The following PTPRD variants were observed in gnomAD, a reference collection of about 807,000 sequenced individuals.
PTPRD encodes the protein receptor-type tyrosine-protein phosphatase delta.
In PTPRD, 34 loss-of-function variants were observed where a neutral mutation model predicts 214.5. The ratio of observed to expected loss-of-function variants is 0.16; its 90% confidence interval spans 0.12 to 0.21. The LOEUF (loss-of-function observed/expected upper bound fraction) is 0.21. Among genes scored for constraint, PTPRD ranks in the 10% least tolerant of loss-of-function variants. PTPRD has a pLI of 1.00. For missense variants in PTPRD, 2,545 were observed against 2,398.7 expected (o/e 1.06, Z -1.27); for synonymous variants, 1,128 against 845.7 (o/e 1.33, Z -5.79).
At chr9:10,585,478 G>C (rs2132604433) in intron 2 of PTPRD, among the ~76,000 whole-genome samples, 1 of 151,996 alleles carries the variant, frequency 6.6e-6, no homozygotes, top group Non-Finnish European at 1.5e-5. Context: ...CGTTTCTCCA[G>C]AAAGCTTTTA....
intron 9 of PTPRD, among the ~76,000 whole-genome samples, chr9:9,201,118 A>G (rs2099941591): frequency 6.6e-6 from 1 of 152,198 alleles, no homozygotes; most frequent in Non-Finnish European, 1.5e-5. Context: ...TTGACTACAA[A>G]CACTGACATC....
intron 11 of PTPRD, among the ~76,000 whole-genome samples, chr9:8,796,980 TC>T (rs944757913): frequency 2.6e-5 from 4 of 152,166 alleles, no homozygotes; most frequent in Non-Finnish European, 4.4e-5. Context: ...AGTAAAATTT[TC>T]TGTAATCTCT....
intron 2 of PTPRD, among the ~76,000 whole-genome samples, chr9:10,512,017 T>TATATACACACAC (rs2048394435): frequency 1.6e-5 from 1 of 64,450 alleles, no homozygotes; most frequent in Non-Finnish European, 2.8e-5. Context: ...TATACGTGTG[T>TATATACACACAC]GTATATATAT....
intron 34 of PTPRD, among the ~76,000 whole-genome samples, chr9:8,444,806 T>C (rs1199049577): frequency 6.6e-6 from 1 of 152,132 alleles, no homozygotes; most frequent in African/African-American, 2.4e-5. Flanking sequence ...ATTTGGAAAT[T>C]GTTTATAAAA....
intron 14 of PTPRD, among the ~76,000 whole-genome samples, chr9:8,581,645 G>C (rs1362315557): frequency 6.6e-6 from 1 of 152,104 alleles, no homozygotes; most frequent in East Asian, 1.9e-4. Flanking sequence ...CTACTTGGGA[G>C]GCTGAGGCAG....
chr9:9,535,854 GAGA>G (rs2076413095), intron 8 of PTPRD, among the ~76,000 whole-genome samples: 1 of 152,042 alleles, frequency 6.6e-6, no homozygotes, highest in South Asian at 2.1e-4. Flanking sequence ...GTACACACAG[GAGA>G]AGGAGGTACA....
At chr9:10,386,256 C>T (rs897578514) in intron 2 of PTPRD, among the ~76,000 whole-genome samples, 2 of 151,766 alleles carry the variant, frequency 1.3e-5, no homozygotes, top group Admixed American at 1.3e-4. Context: ...CTTATTTAGC[C>T]CAATGGACAT....
At chr9:9,530,289 A>G (rs1321072965) in intron 8 of PTPRD, among the ~76,000 whole-genome samples, 8 of 152,204 alleles carry the variant, frequency 5.3e-5, no homozygotes, top group Admixed American at 5.2e-4. Context: ...AAACAAAATC[A>G]GAAATGAAAA....
At chr9:9,800,741 T>C (rs1227037060) in intron 5 of PTPRD, 1 of 152,220 alleles carries the variant, frequency 6.6e-6, no homozygotes, top group Non-Finnish European at 1.5e-5. Context: ...TATTTAATTA[T>C]ATTTGCCCAA....
At chr9:8,649,959 CT>C (rs1399547930) in intron 12 of PTPRD, among the ~76,000 whole-genome samples, 4 of 151,986 alleles carry the variant, frequency 2.6e-5, no homozygotes, top group Non-Finnish European at 5.9e-5. Flanking sequence ...ACTCTGTTGC[CT>C]AGGCTGGACT....
At chr9:9,718,125 C>G (rs2097864896) in intron 7 of PTPRD, among the ~76,000 whole-genome samples, 1 of 152,014 alleles carries the variant, frequency 6.6e-6, no homozygotes, top group Admixed American at 6.6e-5. Flanking sequence ...TTTAGTTTAT[C>G]AAGAAATAGA....
chr9:10,393,902 G>T (rs2098119620), intron 2 of PTPRD, among the ~76,000 whole-genome samples: 1 of 148,092 alleles, frequency 6.8e-6, no homozygotes, highest in African/African-American at 2.5e-5. Context: ...CCATATTGTG[G>T]ATATATACAT....
chr9:10,545,994 G>A (rs1233047912), intron 2 of PTPRD, among the ~76,000 whole-genome samples: 4 of 152,094 alleles, frequency 2.6e-5, no homozygotes, highest in Non-Finnish European at 5.9e-5. Context: ...ATAAGAAGTA[G>A]TGCAAACAAA....
At chr9:9,284,717 G>A (rs1248185385) in intron 9 of PTPRD, among the ~76,000 whole-genome samples, 2 of 151,738 alleles carry the variant, frequency 1.3e-5, no homozygotes, top group Non-Finnish European at 2.9e-5. Context: ...AGAGAAAAGT[G>A]TCCTGGTGCA....
intron 3 of PTPRD, among the ~76,000 whole-genome samples, chr9:10,153,078 T>C (rs1406356923): frequency 6.6e-6 from 1 of 152,060 alleles, no homozygotes; most frequent in East Asian, 1.9e-4. Context: ...AGAAATAAGT[T>C]CTGGACATCT....
intron 8 of PTPRD, among the ~76,000 whole-genome samples, chr9:9,488,127 T>C (rs764138866): frequency 3.9e-5 from 6 of 152,176 alleles, no homozygotes; most frequent in Non-Finnish European, 5.9e-5. Flanking sequence ...ATGTAGTATC[T>C]GTCTGATGTA....
chr9:10,169,180 A>C (rs918141541), intron 3 of PTPRD, among the ~76,000 whole-genome samples: 1 of 152,152 alleles, frequency 6.6e-6, no homozygotes, highest in Non-Finnish European at 1.5e-5. Flanking sequence ...GAAAAAACCT[A>C]TGAATAAAAG....
intron 12 of PTPRD, among the ~76,000 whole-genome samples, chr9:8,679,205 T>C (rs1362362445): frequency 1.3e-5 from 2 of 152,204 alleles, no homozygotes; most frequent in African/African-American, 2.4e-5. Flanking sequence ...TGATGCATTC[T>C]CATCTAGCAT....
chr9:10,204,324 T>C (rs2099454392), intron 3 of PTPRD, among the ~76,000 whole-genome samples: 1 of 152,166 alleles, frequency 6.6e-6, no homozygotes, highest in Non-Finnish European at 1.5e-5. Context: ...GAGTATCTGT[T>C]CCACACCATG....
Sources: gnomAD v4.1 joint callset for allele counts (sites outside exome capture counted in the v4.1 genomes callset) on GRCh38, gnomAD v4.1.1 for gene constraint, MANE v1.5 for transcripts, NCBI Gene and HGNC (gene_info 2026-07-23, HGNC 2026-07-21) for gene names.